Variants in TRAPPC1 observed in about 807,000 individuals in gnomAD.
TRAPPC1 encodes BET5 homolog.
Under a neutral mutation model 17.2 loss-of-function variants are expected in TRAPPC1, and 10 were observed. The ratio of observed to expected loss-of-function variants is 0.58; its 90% confidence interval spans 0.36 to 0.99. TRAPPC1 has a LOEUF of 0.99. Among genes scored for constraint, TRAPPC1 ranks in the 50% least tolerant of loss-of-function variants. The pLI is 0.01. For missense variants in TRAPPC1, 163 were observed against 184.4 expected (o/e 0.88, Z 0.67); for synonymous variants, 85 against 74.5 (o/e 1.14, Z -0.72).
In TRAPPC1 at chr17:7,931,495, A is replaced by T; in HGVS notation, c.170+11T>A. The T allele has an allele frequency of 2.5e-6, 4 of 1,613,062 alleles. No individual in the cohort carries two copies. The highest frequency in any genetic ancestry group is 3.4e-6 in the Non-Finnish European group (4 of 1,179,348). ...AGCCCTCCTCCCAACATCTTCTCTG[A>T]CTCCGCGTACATGTCTAGCGGGGAC... On this transcript the variant is annotated intron_variant, in intron 2 of 3. Transcript: ENST00000303731.
Position 7,931,617 on chromosome 17 carries a change from G to C in TRAPPC1, c.100-41C>G, listed in dbSNP as rs776424692. Reference sequence around the variant, plus strand: ...CAGAGTTAGCTCTCGGTTGATGCGGGAGATGGGGTGGGGGGTGGGAACGAG... The same window carrying C: ...CAGAGTTAGCTCTCGGTTGATGCGGCAGATGGGGTGGGGGGTGGGAACGAG... On this transcript the variant is annotated intron_variant, in intron 1 of 3. Coordinates refer to ENST00000303731, the MANE Select transcript of TRAPPC1 (RefSeq NM_021210.5). 4.8e-6 allele frequency: 4 copies of C among 841,448 alleles called. No homozygotes were observed. The Admixed American group carries it at 7.4e-5, about 15-fold the overall frequency. 52.1% of individuals were successfully genotyped at this position (841,448 alleles called of 1,614,324 possible).
chr17:7,931,506 A>C lies in TRAPPC1; in HGVS notation c.170T>G (p.Met57Arg), dbSNP rs374536428. The change falls in exon 2 of 4, where the codon ATG becomes AGG. Residue 57 changes from methionine to arginine, a missense_variant and splice_region_variant. Transcript: ENST00000303731. The part of the protein sequence containing the change: ...SFVSKMSPLD[M>R]KDGFLAFQTS... ...CAACATCTTCTCTGACTCCGCGTAC[A>C]TGTCTAGCGGGGACATCTTGCTGAC... The C allele has an allele frequency of 1.7e-5, 28 of 1,613,350 alleles. No individual in the cohort carries two copies. The African/African-American group carries it at 1.7e-4, about 10-fold the overall frequency.
rs752726594 is a variant in TRAPPC1, at chr17:7,931,539, C to T, written c.137G>A (p.Arg46His). 4 of 1,613,756 alleles carry T rather than the reference C, an allele frequency of 2.5e-6. No homozygotes were observed. Among genetic ancestry groups the T allele is most frequent in the Admixed American group, 1.7e-5 (1 of 59,986 alleles). Residue 46 changes from arginine to histidine, a missense_variant, in exon 2 of 4, where the codon CGC (arginine) becomes CAC (histidine). Arg to His is a conservative substitution (Grantham distance 29). Transcript: ENST00000303731. ...KLMYGMLFSIRSFVSKMSPLD... is the reference protein window; with the variant it reads ...KLMYGMLFSIHSFVSKMSPLD... ...CGGGGACATCTTGCTGACAAACGAG[C>T]GGATAGAGAAGAGCATCCCGTACAT...
intron 2 of TRAPPC1, 133 bp from the exon 3 acceptor site, chr17:7,931,282 C>T (rs776852287): frequency 1.1e-4 from 139 of 1,237,426 alleles, no homozygotes; most frequent in Non-Finnish European, 1.4e-4. Flanking sequence ...GTAAAGACAT[C>T]GCCCATCGTC....
chr17:7,931,233 C>T (rs1465515257), intron 2 of TRAPPC1, 84 bp from the exon 3 acceptor site: 2 of 1,489,744 alleles, frequency 1.3e-6, no homozygotes, highest in East Asian at 2.3e-5. Flanking sequence ...CATCGACTCC[C>T]TCTTTATCTA....
chr17:7,930,415 G>T lies in TRAPPC1; in HGVS notation c.*191C>A. 1.6e-6 allele frequency: 1 copy of T among 637,018 alleles called. No individual in the cohort carries two copies. Among genetic ancestry groups the T allele is most frequent in the Non-Finnish European group, 2.7e-6 (1 of 370,412 alleles). 39.5% of individuals were successfully genotyped at this position (637,018 alleles called of 1,614,324 possible). On this transcript the variant is annotated 3_prime_UTR_variant, in exon 4 of 4. Coordinates refer to ENST00000303731, the MANE Select transcript of TRAPPC1 (RefSeq NM_021210.5). ...GGCAGGGGATAAAACTGGAGAGAGG[G>T]CCTGGTGTGGAGGTGGAGGGACTCT...
In TRAPPC1 at chr17:7,931,639, C is replaced by G. The variant is rs904732818; in HGVS notation, c.100-63G>C. 21 of 1,496,896 alleles carry G rather than the reference C, an allele frequency of 1.4e-5. No homozygotes were observed. In the African/African-American group the frequency reaches 2.5e-4, roughly 18 times the overall value. 92.7% of individuals were successfully genotyped at this position (1,496,896 alleles called of 1,614,324 possible). A position where few individuals can be genotyped will look rare whatever the true frequency, so the allele number is the denominator to read the frequency against. On this transcript the variant is annotated intron_variant, in intron 1 of 3. Transcript: ENST00000303731. ...CGGGAGATGGGGTGGGGGGTGGGAA[C>G]GAGCTGGGGTTTGGAGAGGAGGGGC...
Position 7,930,630 on chromosome 17 carries a change from G to A in TRAPPC1, c.414C>T (p.Pro138=), listed in dbSNP as rs749466658. ...TTCAGCCAGCCCGGGCGGAGAAGAA[G>A]GGCAGAGAGCGAACATAGGAGTCCA... is the stretch of plus-strand genomic sequence containing the variant. ...SRLDSYVRSL[P]FFSARAG is the part of the protein sequence containing the mutation. Residue 138 remains proline (P), a synonymous_variant, in exon 4 of 4, where the codon CCC becomes CCT. Transcript: ENST00000303731. 1.2e-6 allele frequency: 2 copies of A among 1,614,152 alleles called. No homozygotes were observed.
chr17:7,931,408 C>G (rs921905105), intron 2 of TRAPPC1, 98 bp downstream of exon 2: 8 of 1,301,076 alleles, frequency 6.1e-6, no homozygotes, highest in African/African-American at 2.9e-5. Flanking sequence ...CCTTTCCCCC[C>G]TCTGGAGGCC....
At chr17:7,931,247 A>G in intron 2 of TRAPPC1, 98 bp from the exon 3 acceptor site, 1 of 1,435,078 alleles carries the variant, frequency 7.0e-7, no homozygotes, top group South Asian at 1.3e-5. Flanking sequence ...TTATCTAAAC[A>G]TATCCTTTGT....
At chr17:7,930,903 A>G in intron 3 of TRAPPC1, 108 bp downstream of exon 3, 1 of 1,513,780 alleles carries the variant, frequency 6.6e-7, no homozygotes, top group East Asian at 2.3e-5. Flanking sequence ...GGCCCCTGAG[A>G]AAACTCTTGA....
At position 7,931,091 on chromosome 17, in the gene TRAPPC1, G is replaced by A. The variant is rs1158226210; in HGVS notation, c.229C>T (p.Pro77Ser). 1 of 1,613,886 alleles carries A rather than the reference G, an allele frequency of 6.2e-7. No individual in the cohort carries two copies. Among genetic ancestry groups the A allele is most frequent in the Non-Finnish European group, 8.5e-7 (1 of 1,180,006 alleles). Residue 77 changes from proline to serine, a missense_variant, in exon 3 of 4, where the codon CCC (proline) becomes TCC (serine). Pro to Ser is a moderately conservative substitution (Grantham distance 74). Transcript: ENST00000303731. ...SRYKLHYYET[P>S]TGIKVVMNTD... is the part of the protein sequence containing the mutation. ...TTCATGACAACTTTGATCCCAGTGG[G>A]CGTCTCGTAGTAATGGAGTTTGTAA...
In TRAPPC1 at chr17:7,930,661, G is replaced by A; in HGVS notation, c.383C>T (p.Ser128Phe). 1.2e-6 allele frequency: 2 copies of A among 1,614,172 alleles called. No individual in the cohort carries two copies. Among genetic ancestry groups the A allele is most frequent in the Non-Finnish European group, 1.7e-6 (2 of 1,180,020 alleles). The change falls in exon 4 of 4, where the codon TCC (serine) becomes TTC (phenylalanine). Residue 128 changes from serine (S) to phenylalanine (F), a missense_variant. Physicochemically the swap from Ser to Phe is radical, Grantham distance 155 (BLOSUM62 -2). Coordinates refer to ENST00000303731, the MANE Select transcript of TRAPPC1 (RefSeq NM_021210.5). Reference sequence around the variant, plus strand: ...AGAGCGAACATAGGAGTCCAGTCGGGAGCGAAAGAGCTCACTTTGCACAGT... The same window carrying A: ...AGAGCGAACATAGGAGTCCAGTCGGAAGCGAAAGAGCTCACTTTGCACAGT... Reference protein sequence around the residue: ...GQTVQSELFRSRLDSYVRSLP... With the variant: ...GQTVQSELFRFRLDSYVRSLP...
In TRAPPC1 at chr17:7,931,343, C is replaced by T. The variant is rs1181652032; in HGVS notation, c.170+163G>A. 3 of 1,028,494 alleles carry T rather than the reference C, an allele frequency of 2.9e-6. No homozygotes were observed. The African/African-American group carries it at 4.8e-5, about 16-fold the overall frequency. 63.7% of individuals were successfully genotyped at this position (1,028,494 alleles called of 1,614,324 possible). On this transcript the variant is annotated intron_variant, in intron 2 of 3. Coordinates refer to ENST00000303731, the MANE Select transcript of TRAPPC1 (RefSeq NM_021210.5). Reference sequence around the variant, plus strand: ...TTCTCTACTTTCAGACCCTCCCCACCCCCACTCCTGCCAGCTCCAGCACTC... The same window carrying T: ...TTCTCTACTTTCAGACCCTCCCCACTCCCACTCCTGCCAGCTCCAGCACTC...
chr17:7,930,715 A>G lies in TRAPPC1; in HGVS notation c.329T>C (p.Val110Ala). 6.2e-7 allele frequency: 1 copy of G among 1,614,132 alleles called. No homozygotes were observed. The highest frequency in any genetic ancestry group is 1.1e-5 in the South Asian group (1 of 91,086). The change falls in exon 4 of 4, where the codon GTG (valine) becomes GCG (alanine). Residue 110 changes from valine (V) to alanine (A), a missense_variant. By Grantham distance (64) the Val-to-Ala change is moderately conservative (BLOSUM62 0). Coordinates refer to ENST00000303731, the MANE Select transcript of TRAPPC1 (RefSeq NM_021210.5). ...GCCCAGCGGGCACAGGGGATTCTTC[A>G]CCACCAGCTCCACATACAGCTATGG... is the stretch of plus-strand genomic sequence containing the variant. ...IYSALYVELVVKNPLCPLGQT... is the reference protein window; with the variant it reads ...IYSALYVELVAKNPLCPLGQT...
At position 7,931,789 on chromosome 17, in the gene TRAPPC1, A is replaced by G. The variant is rs773086689; in HGVS notation, c.41T>C (p.Val14Ala). The G allele has an allele frequency of 6.2e-7, 1 of 1,613,850 alleles. No individual in the cohort carries two copies. The highest frequency in any genetic ancestry group is 1.3e-5 in the African/African-American group (1 of 74,854). ...GTGCCATTCGCTGTAGTGCAGACAC[A>G]CTCCATTCCGGTCAAACAGGTACAG... is the stretch of plus-strand genomic sequence containing the variant. ...HNLYLFDRNGVCLHYSEWHRK... is the reference protein window; with the variant it reads ...HNLYLFDRNGACLHYSEWHRK... Residue 14 changes from valine (V) to alanine (A), a missense_variant, in exon 1 of 4, where the codon GTG (valine) becomes GCG (alanine). Val to Ala is a moderately conservative substitution (Grantham distance 64). Transcript: ENST00000303731.
Position 7,931,140 on chromosome 17 carries a change from G to T in TRAPPC1, c.180C>A (p.Gly60=), listed in dbSNP as rs1297427222. 3 of 1,613,940 alleles carry T rather than the reference G, an allele frequency of 1.9e-6. No homozygotes were observed. The Admixed American group carries it at 5.0e-5, about 27-fold the overall frequency. The change falls in exon 3 of 4, where the codon GGC becomes GGA. Residue 60 remains glycine (G), a synonymous_variant. Transcript: ENST00000303731. ...SKMSPLDMKD[G]FLAFQTSRYK... ...AACGGCTAGTTTGGAAGGCCAGGAA[G>T]CCATCCTTCCTGCAGAGATGAGGAG... is the stretch of plus-strand genomic sequence containing the variant.
Position 7,930,888 on chromosome 17 carries a change from C to T in TRAPPC1, c.309+123G>A, listed in dbSNP as rs1265689621. 2.7e-6 allele frequency: 4 copies of T among 1,495,044 alleles called. No individual in the cohort carries two copies. In the African/African-American group the frequency reaches 4.2e-5, roughly 16 times the overall value. The allele number at this position is 1,495,044 out of a possible 1,614,324, so 92.6% of individuals were successfully genotyped here. ...GAAAGTGGTGGTGGGAGTTAAGAACCTAAGGGCCCCTGAGAAAACTCTTGA... is the reference window on the plus strand; with the variant it reads ...GAAAGTGGTGGTGGGAGTTAAGAACTTAAGGGCCCCTGAGAAAACTCTTGA... On this transcript the variant is annotated intron_variant, in intron 3 of 3. Coordinates refer to ENST00000303731, the MANE Select transcript of TRAPPC1 (RefSeq NM_021210.5).
In TRAPPC1 at chr17:7,930,516, C is replaced by T; in HGVS notation, c.*90G>A. ...TTGCTCTGGGCAGGGGGTGGGGGTG[C>T]GGGGGCTTACAGTGGGGGCCCTTAG... is the stretch of plus-strand genomic sequence containing the variant. On this transcript the variant is annotated 3_prime_UTR_variant, in exon 4 of 4. Transcript: ENST00000303731. The T allele has an allele frequency of 2.6e-6, 4 of 1,515,768 alleles. No individual in the cohort carries two copies. Among genetic ancestry groups the T allele is most frequent in the South Asian group, 1.2e-5 (1 of 86,906 alleles). 93.9% of individuals were successfully genotyped at this position (1,515,768 alleles called of 1,614,324 possible). A position where few individuals can be genotyped will look rare whatever the true frequency, so the allele number is the denominator to read the frequency against.
Sources: allele counts gnomAD v4.1 joint callset, GRCh38; gene constraint gnomAD v4.1.1; transcripts MANE v1.5; gene names NCBI Gene and HGNC (gene_info 2026-07-23, HGNC 2026-07-21).